ANO10: variants seen among roughly 807,000 people sequenced by gnomAD.
ANO10 encodes anoctamin-10.
In ANO10, 77 loss-of-function variants were observed where a neutral mutation model predicts 74.7. The ratio of observed to expected loss-of-function variants is 1.03; its 90% confidence interval spans 0.86 to 1.25. ANO10 has a LOEUF of 1.25. Ranked by LOEUF, ANO10 falls within the 50% of genes most tolerant of loss-of-function variation. The pLI is 0.00. For missense variants in ANO10, 721 were observed against 778.1 expected, an observed-to-expected ratio of 0.93 and a Z score of 0.87; for synonymous variants, 279 against 284.9, an observed-to-expected ratio of 0.98 and a Z score of 0.21.
At chr3:43,491,493 G>A (rs1388564762) in intron 11 of ANO10, among the ~76,000 whole-genome samples, 1 of 152,038 alleles carries the variant, frequency 6.6e-6, no homozygotes, top group Non-Finnish European at 1.5e-5. Context: ...CAGCCTGGGG[G>A]ATAGAGTAAA....
chr3:43,646,600 T>G (rs1290655225), intron 1 of ANO10, among the ~76,000 whole-genome samples: 2 of 152,138 alleles, frequency 1.3e-5, no homozygotes, highest in Non-Finnish European at 2.9e-5. Flanking sequence ...GGTGCAATCC[T>G]GACTCACTGC....
chr3:43,428,160 G>A (rs990755454), intron 12 of ANO10, among the ~76,000 whole-genome samples: 4 of 151,580 alleles, frequency 2.6e-5, no homozygotes, highest in South Asian at 2.1e-4. Flanking sequence ...AGCGATTCTC[G>A]TGCCTCAGCC....
chr3:43,635,753 GGGA>G (rs1309262589), intron 1 of ANO10, among the ~76,000 whole-genome samples: 1 of 151,930 alleles, frequency 6.6e-6, no homozygotes, highest in African/African-American at 2.4e-5. Context: ...CCAAGTAGCT[GGGA>G]CTACAGACGC....
Position 43,531,187 on chromosome 3 carries a change from T to G in ANO10, c.1797+18533A>C, listed in dbSNP as rs566620719. Among the ~76,000 whole-genome samples, 3 of 152,356 alleles carry G rather than the reference T, an allele frequency of 2.0e-5. No individual in the cohort carries two copies. The East Asian group carries it at 5.8e-4, about 29-fold the overall frequency. ...CTGTAGAGCTAATATTTCAACTATT[T>G]TGAAGACAAAACAAAATGACAGATC... On this transcript the variant is annotated intron_variant, in intron 11 of 12. Transcript: ENST00000292246.
chr3:43,657,884 T>C (rs1051030399), intron 1 of ANO10, among the ~76,000 whole-genome samples: 1 of 152,238 alleles, frequency 6.6e-6, no homozygotes, highest in Non-Finnish European at 1.5e-5. Flanking sequence ...TTTTATTTAT[T>C]GTGTGGAAAA....
intron 12 of ANO10, among the ~76,000 whole-genome samples, chr3:43,370,215 T>C (rs914975672): frequency 1.3e-5 from 2 of 152,152 alleles, no homozygotes; most frequent in African/African-American, 4.8e-5. Context: ...GATCACAGAA[T>C]TTATGATTAG....
intron 1 of ANO10, among the ~76,000 whole-genome samples, chr3:43,611,566 C>A (rs2082819705): frequency 6.6e-6 from 1 of 152,086 alleles, no homozygotes; most frequent in African/African-American, 2.4e-5. Context: ...AGTTATGTGA[C>A]CTTATGCAAT....
rs7619537 is a variant in ANO10 at position 43,609,613 on chromosome 3, G to T, written c.-11-3750C>A. Among the ~76,000 whole-genome samples the T allele has an allele frequency of 8.9e-3, 1,351 of 152,246 alleles. 16 individuals are homozygous for T. Among genetic ancestry groups the T allele is most frequent in the African/African-American group, 0.028 (1,176 of 41,538 alleles). On this transcript the variant is annotated intron_variant, in intron 1 of 12. Coordinates refer to ENST00000292246, the MANE Select transcript of ANO10 (RefSeq NM_018075.5). ...GTTTCACTGTTGTGGAAACATCATAGAGTGTACTCATACAAACCTAGATGG... is the reference window on the plus strand; with the variant it reads ...GTTTCACTGTTGTGGAAACATCATATAGTGTACTCATACAAACCTAGATGG...
At chr3:43,444,500 A>G (rs1008877073) in intron 11 of ANO10, among the ~76,000 whole-genome samples, 2 of 152,220 alleles carry the variant, frequency 1.3e-5, no homozygotes, top group East Asian at 3.9e-4. Context: ...TTCTCTAACT[A>G]AGGCCTACAA....
chr3:43,533,505 T>C (rs1247602583), intron 11 of ANO10, among the ~76,000 whole-genome samples: 1 of 152,208 alleles, frequency 6.6e-6, no homozygotes, highest in African/African-American at 2.4e-5. Flanking sequence ...TAAACAAGCT[T>C]TGGCCTTAGT....
chr3:43,446,159 T>C (rs1399761592), intron 11 of ANO10, among the ~76,000 whole-genome samples: 1 of 152,202 alleles, frequency 6.6e-6, no homozygotes, highest in Non-Finnish European at 1.5e-5. Flanking sequence ...CCACATTTTA[T>C]TGTGCCTTAG....
intron 4 of ANO10, among the ~76,000 whole-genome samples, chr3:43,596,370 A>C (rs1304888471): frequency 6.6e-6 from 1 of 152,188 alleles, no homozygotes; most frequent in East Asian, 1.9e-4. Flanking sequence ...CTATACTACA[A>C]AGCTACAGTA....
chr3:43,606,957 A>T (rs1335164153), intron 1 of ANO10, among the ~76,000 whole-genome samples: 1 of 152,194 alleles, frequency 6.6e-6, no homozygotes, highest in Non-Finnish European at 1.5e-5. Context: ...ACACGTAAGT[A>T]CTTAGCACAA....
chr3:43,518,599 G>A (rs1384714245), intron 11 of ANO10, among the ~76,000 whole-genome samples: 1 of 152,124 alleles, frequency 6.6e-6, no homozygotes. Flanking sequence ...AAATATCACT[G>A]AATTCTTTCT....
At chr3:43,518,387 C>T (rs577378855) in intron 11 of ANO10, among the ~76,000 whole-genome samples, 13 of 152,078 alleles carry the variant, frequency 8.5e-5, no homozygotes, top group East Asian at 1.9e-4. Context: ...GGATGTATGT[C>T]GCCTCAGGAT....
At chr3:43,645,720 G>A (rs1476948215) in intron 1 of ANO10, among the ~76,000 whole-genome samples, 3 of 152,124 alleles carry the variant, frequency 2.0e-5, no homozygotes, top group South Asian at 2.1e-4. Flanking sequence ...AGCCCCTAGA[G>A]CTATTTCCTG....
chr3:43,656,877 G>C (rs1158210064), intron 1 of ANO10, among the ~76,000 whole-genome samples: 1 of 152,254 alleles, frequency 6.6e-6, no homozygotes, highest in Admixed American at 6.5e-5. Flanking sequence ...GGCTCCCACA[G>C]TGCAGCGGTG....
At chr3:43,461,161 A>C (rs2075361437) in intron 11 of ANO10, among the ~76,000 whole-genome samples, 2 of 152,170 alleles carry the variant, frequency 1.3e-5, no homozygotes, top group South Asian at 4.1e-4. Flanking sequence ...GACATAAATT[A>C]CCAATATCAG....
At chr3:43,566,525 A>AC (rs545580493) in intron 7 of ANO10, among the ~76,000 whole-genome samples, 5,926 of 152,104 alleles carry the variant, frequency 0.039, 163 homozygotes, top group Non-Finnish European at 0.058. Context: ...TGGGTCCCTG[A>AC]CCCCTGACCC....
Sources: gnomAD v4.1 joint callset for allele counts (sites outside exome capture counted in the v4.1 genomes callset) on GRCh38, gnomAD v4.1.1 for gene constraint, MANE v1.5 for transcripts, NCBI Gene and HGNC (gene_info 2026-07-23, HGNC 2026-07-21) for gene names.